HS3ST4: variants seen among roughly 807,000 people sequenced by gnomAD.
HS3ST4 encodes the protein heparan sulfate-glucosamine 3-sulfotransferase 4.
HS3ST4 carries 17 observed loss-of-function variants against 29.2 expected under a neutral mutation model. The observed-to-expected ratio is 0.58, with a 90% CI of 0.40 to 0.87. HS3ST4 has a LOEUF of 0.87. HS3ST4 is among the 40% of genes least tolerant of loss of function. The pLI, the probability that HS3ST4 is intolerant of heterozygous loss-of-function variation, is 0.00. For missense variants in HS3ST4, 627 were observed against 634.5 expected (o/e 0.99, Z 0.13); for synonymous variants, 314 against 285.7 (o/e 1.10, Z -1.00).
chr16:25,941,985 A>G (rs945235170), intron 1 of HS3ST4, among the ~76,000 whole-genome samples: 10 of 152,178 alleles, frequency 6.6e-5, no homozygotes, highest in African/African-American at 1.9e-4. Flanking sequence ...ATAGGGGCTC[A>G]TTCAATATTT....
chr16:25,950,305 CATCACTCCA>C (rs528465849), intron 1 of HS3ST4, among the ~76,000 whole-genome samples: 1 of 152,234 alleles, frequency 6.6e-6, no homozygotes, highest in South Asian at 2.1e-4. Context: ...AGAGACATCA[CATCACTCCA>C]ATGTAAACTG....
chr16:25,942,785 A>AT (rs139832050), intron 1 of HS3ST4, among the ~76,000 whole-genome samples: 12,838 of 151,566 alleles, frequency 0.085, 756 homozygotes, highest in African/African-American at 0.15. Flanking sequence ...TCCCTGGCTA[A>AT]TTTTTTAAAA....
chr16:26,111,052 ATTTAT>A (rs55992209), intron 1 of HS3ST4, among the ~76,000 whole-genome samples: 84,235 of 149,110 alleles, frequency 0.56, 24,338 homozygotes, highest in Non-Finnish European at 0.64. Context: ...GTAGGGAAGG[ATTTAT>A]TTTATTTTAT....
intron 1 of HS3ST4, among the ~76,000 whole-genome samples, chr16:25,930,745 C>T (rs553981250): frequency 4.6e-5 from 7 of 152,194 alleles, no homozygotes; most frequent in South Asian, 4.1e-4. Flanking sequence ...TTAGCCACTC[C>T]AGATTTATGT....
intron 1 of HS3ST4, among the ~76,000 whole-genome samples, chr16:25,883,623 G>A (rs1055438930): frequency 2.0e-4 from 30 of 152,164 alleles, no homozygotes; most frequent in Admixed American, 6.5e-5. Context: ...ATTTGTCCAA[G>A]GAAAGCAGTG....
At chr16:25,992,012 C>T (rs1461513911) in intron 1 of HS3ST4, among the ~76,000 whole-genome samples, 2 of 150,984 alleles carry the variant, frequency 1.3e-5, no homozygotes, top group Admixed American at 1.3e-4. Context: ...CAGAGCGAGA[C>T]TCCGTCTCAA....
intron 1 of HS3ST4, among the ~76,000 whole-genome samples, chr16:25,835,738 G>A (rs1251237753): frequency 1.3e-5 from 2 of 152,196 alleles, no homozygotes; most frequent in Non-Finnish European, 2.9e-5. Flanking sequence ...GAAGAAAAAT[G>A]TGTTGTGACT....
In HS3ST4 at chr16:25,891,813, C is replaced by A. The variant is rs896867702; in HGVS notation, c.734+198662C>A. On this transcript the variant is annotated intron_variant, in intron 1 of 1. Coordinates refer to ENST00000331351, the MANE Select transcript of HS3ST4 (RefSeq NM_006040.3). ...TATGATAGTGTTATTGTTAGTAGCA[C>A]AGGCTATAGAGTCAGACTGCCTGGC... is the stretch of plus-strand genomic sequence containing the variant. Among the ~76,000 whole-genome samples the A allele has an allele frequency of 4.6e-5, 7 of 152,334 alleles. 1 individual carries two copies. In the South Asian group the frequency reaches 1.5e-3, roughly 32 times the overall value.
intron 1 of HS3ST4, among the ~76,000 whole-genome samples, chr16:26,052,813 T>A (rs1484991300): frequency 6.6e-6 from 1 of 152,248 alleles, no homozygotes; most frequent in African/African-American, 2.4e-5. Context: ...CTGGGATATA[T>A]TTCTGTGCTC....
intron 1 of HS3ST4, among the ~76,000 whole-genome samples, chr16:26,120,922 T>C (rs1899267000): frequency 6.6e-6 from 1 of 152,190 alleles, no homozygotes; most frequent in Admixed American, 6.5e-5. Context: ...AATGAAGAAA[T>C]GGGCTTCATG....
At chr16:25,788,921 A>T (rs980768264) in intron 1 of HS3ST4, among the ~76,000 whole-genome samples, 1 of 152,138 alleles carries the variant, frequency 6.6e-6, no homozygotes, top group South Asian at 2.1e-4. Context: ...TGGGTTATCA[A>T]TGTCGATGGT....
chr16:25,853,044 T>C (rs1472229273), intron 1 of HS3ST4, among the ~76,000 whole-genome samples: 1 of 152,206 alleles, frequency 6.6e-6, no homozygotes, highest in African/African-American at 2.4e-5. Flanking sequence ...CTTGTAAAAT[T>C]ACTTTAGCTG....
chr16:26,019,903 A>G (rs895432581), intron 1 of HS3ST4, among the ~76,000 whole-genome samples: 2 of 152,154 alleles, frequency 1.3e-5, no homozygotes, highest in Non-Finnish European at 2.9e-5. Context: ...CACAATTGCT[A>G]CTTGCCAGCT....
chr16:25,841,039 C>CTG (rs1967407512), intron 1 of HS3ST4, among the ~76,000 whole-genome samples: 1 of 151,838 alleles, frequency 6.6e-6, no homozygotes, highest in Admixed American at 6.6e-5. Context: ...GAGTCTTGCT[C>CTG]TGTCACCTAC....
intron 1 of HS3ST4, among the ~76,000 whole-genome samples, chr16:25,821,239 A>G (rs1388630892): frequency 1.3e-5 from 2 of 151,040 alleles, no homozygotes; most frequent in African/African-American, 2.4e-5. Context: ...TTGTATTTTT[A>G]GTAGAGACGG....
intron 1 of HS3ST4, among the ~76,000 whole-genome samples, chr16:25,891,885 G>A (rs1000719052): frequency 1.6e-4 from 25 of 152,212 alleles, no homozygotes; most frequent in African/African-American, 4.8e-4. Flanking sequence ...TGTTGGGTGA[G>A]TCATTTAAAC....
chr16:25,730,869 A>G (rs1966566216), intron 1 of HS3ST4, among the ~76,000 whole-genome samples: 1 of 151,644 alleles, frequency 6.6e-6, no homozygotes, highest in African/African-American at 2.4e-5. Context: ...GTGTTCTGTG[A>G]TTTACCAGAA....
At chr16:26,027,443 T>C (rs560004691) in intron 1 of HS3ST4, among the ~76,000 whole-genome samples, 1 of 152,340 alleles carries the variant, frequency 6.6e-6, no homozygotes, top group African/African-American at 2.4e-5. Flanking sequence ...CCATATTCTC[T>C]GTGAACATTG....
chr16:26,067,341 G>A (rs368922485), intron 1 of HS3ST4, among the ~76,000 whole-genome samples: 8 of 152,164 alleles, frequency 5.3e-5, no homozygotes, highest in East Asian at 1.9e-4. Flanking sequence ...TAATCTGAGC[G>A]CTAAAATAAT....
Sources: gnomAD v4.1 joint callset for allele counts (sites outside exome capture counted in the v4.1 genomes callset) on GRCh38, gnomAD v4.1.1 for gene constraint, MANE v1.5 for transcripts, NCBI Gene and HGNC (gene_info 2026-07-23, HGNC 2026-07-21) for gene names.